ADGRB3: variants seen among roughly 807,000 people sequenced by gnomAD.
The protein encoded by ADGRB3 is brain-specific angiogenesis inhibitor 3.
In ADGRB3, 37 loss-of-function variants were observed where a neutral mutation model predicts 193.4. The ratio of observed to expected loss-of-function variants is 0.19; its 90% CI spans 0.15 to 0.25. The LOEUF (loss-of-function observed/expected upper bound fraction) is 0.25, where lower values mean the gene tolerates loss of function less well. Among genes scored for constraint, ADGRB3 ranks in the 10% least tolerant of loss-of-function variants. ADGRB3 has a pLI of 1.00. For missense variants in ADGRB3, 1,637 were observed against 1,852.9 expected, an observed-to-expected ratio of 0.88 and a Z score of 2.14; for synonymous variants, 690 against 644.2, an observed-to-expected ratio of 1.07 and a Z score of -1.08.
At chr6:68,871,862 T>A (rs576122910) in intron 3 of ADGRB3, among the ~76,000 whole-genome samples, 1 of 152,130 alleles carries the variant, frequency 6.6e-6, no homozygotes, top group Non-Finnish European at 1.5e-5. Flanking sequence ...AAAATCTACC[T>A]AAAGGCGAGA....
At chr6:68,824,220 C>T (rs982032511) in intron 3 of ADGRB3, among the ~76,000 whole-genome samples, 3 of 69,850 alleles carry the variant, frequency 4.3e-5, no homozygotes, top group Admixed American at 1.5e-4. Flanking sequence ...GTCTCTTAAA[C>T]TTTTATTTCT....
At chr6:69,141,144 GAC>G (rs1774330266) in intron 17 of ADGRB3, among the ~76,000 whole-genome samples, 2 of 135,164 alleles carry the variant, frequency 1.5e-5, no homozygotes, top group Non-Finnish European at 3.2e-5. Flanking sequence ...GGGCGGTGGG[GAC>G]GGAGTCTTGC....
At position 69,384,730 on chromosome 6, in the gene ADGRB3, G is replaced by A. The variant is rs185640408; in HGVS notation, c.4380+1795G>A. Among the ~76,000 whole-genome samples the A allele has an allele frequency of 1.5e-3, 232 of 151,996 alleles. 2 individuals are homozygous for A. The highest frequency in any genetic ancestry group is 5.5e-3 in the African/African-American group (227 of 41,486). ...TTTACCATTTGGAAGGTTAGGAGTG[G>A]GGAGGATAGAGTTGTCATTGCTGCT... On this transcript the variant is annotated intron_variant, in intron 31 of 31. Transcript: ENST00000370598.
intron 13 of ADGRB3, among the ~76,000 whole-genome samples, chr6:69,040,707 A>AAAAAAAAT (rs1771038176): frequency 1.7e-5 from 1 of 60,394 alleles, no homozygotes; most frequent in African/African-American, 6.8e-5. Context: ...AAAAAAAAAA[A>AAAAAAAAT]AACAAACAAG....
intron 3 of ADGRB3, among the ~76,000 whole-genome samples, chr6:68,780,512 A>G (rs1206925373): frequency 6.6e-6 from 1 of 152,056 alleles, no homozygotes; most frequent in Non-Finnish European, 1.5e-5. Context: ...AATCAATCCA[A>G]TGCATACCGC....
chr6:69,360,736 T>C (rs1561998857), intron 28 of ADGRB3, 133 bp from the exon 29 acceptor site: 3 of 894,964 alleles, frequency 3.4e-6, no homozygotes, highest in South Asian at 3.9e-5. Context: ...AATTGATATG[T>C]ATTTTTTTTA....
At chr6:69,205,731 A>T (rs762111988) in intron 17 of ADGRB3, among the ~76,000 whole-genome samples, 24 of 152,130 alleles carry the variant, frequency 1.6e-4, no homozygotes, top group South Asian at 8.3e-4. Context: ...CACTTCCACA[A>T]TAATAGCATT....
chr6:69,258,297 A>G (rs924874774), intron 20 of ADGRB3, among the ~76,000 whole-genome samples: 9 of 152,216 alleles, frequency 5.9e-5, no homozygotes, highest in Non-Finnish European at 1.3e-4. Context: ...TCATTTGGCC[A>G]TGATTATTTC....
At chr6:68,756,195 T>A (rs1053208485) in intron 3 of ADGRB3, among the ~76,000 whole-genome samples, 1 of 152,172 alleles carries the variant, frequency 6.6e-6, no homozygotes, top group African/African-American at 2.4e-5. Flanking sequence ...GAGACGGCTG[T>A]ATATAACTTC....
intron 17 of ADGRB3, among the ~76,000 whole-genome samples, chr6:69,127,741 C>T (rs1033286411): frequency 2.0e-5 from 3 of 152,010 alleles, no homozygotes; most frequent in African/African-American, 4.8e-5. Flanking sequence ...AGGTGTGATT[C>T]GTCTTTTAAA....
intron 3 of ADGRB3, among the ~76,000 whole-genome samples, chr6:68,673,686 A>G (rs1325941643): frequency 6.6e-6 from 1 of 152,180 alleles, no homozygotes; most frequent in Non-Finnish European, 1.5e-5. Context: ...TTCAGAGATG[A>G]TAAAACAATT....
At chr6:69,288,603 A>G (rs1767601481) in intron 20 of ADGRB3, among the ~76,000 whole-genome samples, 1 of 152,180 alleles carries the variant, frequency 6.6e-6, no homozygotes, top group African/African-American at 2.4e-5. Flanking sequence ...ATATTGTTAC[A>G]GCTTGATAGA....
intron 17 of ADGRB3, among the ~76,000 whole-genome samples, chr6:69,151,701 C>A (rs1251285987): frequency 2.0e-5 from 3 of 152,052 alleles, no homozygotes; most frequent in Non-Finnish European, 4.4e-5. Flanking sequence ...CAGTCCTGTC[C>A]GTATATTTCT....
intron 15 of ADGRB3, among the ~76,000 whole-genome samples, chr6:69,053,700 A>G (rs140595110): frequency 1.3e-5 from 2 of 152,330 alleles, no homozygotes; most frequent in East Asian, 3.9e-4. Context: ...AAGGAATTAG[A>G]AAACATCCAT....
intron 3 of ADGRB3, among the ~76,000 whole-genome samples, chr6:68,753,475 T>A (rs918096504): frequency 1.2e-4 from 18 of 152,182 alleles, no homozygotes; most frequent in Non-Finnish European, 1.9e-4. Context: ...CTATGGAATA[T>A]TTCTGAACAT....
At chr6:68,819,516 A>T (rs2127379526) in intron 3 of ADGRB3, among the ~76,000 whole-genome samples, 1 of 151,970 alleles carries the variant, frequency 6.6e-6, no homozygotes, top group African/African-American at 2.4e-5. Flanking sequence ...ATTGAGTACG[A>T]TTGATACCTC....
intron 20 of ADGRB3, among the ~76,000 whole-genome samples, chr6:69,299,296 T>G (rs1486009994): frequency 6.6e-6 from 1 of 151,934 alleles, no homozygotes; most frequent in African/African-American, 2.4e-5. Flanking sequence ...GTTGTTTGAG[T>G]TCCTTATACA....
intron 3 of ADGRB3, among the ~76,000 whole-genome samples, chr6:68,695,110 T>C (rs1301789245): frequency 1.3e-5 from 2 of 152,070 alleles, no homozygotes; most frequent in Admixed American, 1.3e-4. Flanking sequence ...TTTAATTATA[T>C]TCAGTTTTAA....
chr6:69,016,225 T>C (rs1336822373), intron 12 of ADGRB3, among the ~76,000 whole-genome samples: 1 of 151,970 alleles, frequency 6.6e-6, no homozygotes, highest in Non-Finnish European at 1.5e-5. Flanking sequence ...TAACCTGCTC[T>C]ATAGCATTTG....
Sources: gnomAD v4.1 joint callset for allele counts (sites outside exome capture counted in the v4.1 genomes callset) on GRCh38, gnomAD v4.1.1 for gene constraint, MANE v1.5 for transcripts, NCBI Gene and HGNC (gene_info 2026-07-23, HGNC 2026-07-21) for gene names.